Variants in CARD14 observed in about 807,000 individuals in gnomAD.
The protein encoded by CARD14 is caspase recruitment domain family member 14.
In CARD14, 107 loss-of-function variants were observed where a neutral mutation model predicts 111.5. The observed-to-expected ratio is 0.96, with a 90% confidence interval of 0.82 to 1.13. The LOEUF (loss-of-function observed/expected upper bound fraction) is 1.13, where lower values mean the gene tolerates loss of function less well. CARD14 is among the 50% of genes most tolerant of loss of function. The pLI, the probability that CARD14 is intolerant of heterozygous loss-of-function variation, is 0.00. For synonymous variants in CARD14, 617 were observed against 579.6 expected (o/e 1.06, Z -0.93); for missense variants, 1,322 against 1,362.3 (o/e 0.97, Z 0.47).
chr17:80,196,718 G>A (rs917182728), intron 14 of CARD14: 1 of 152,226 alleles, frequency 6.6e-6, no homozygotes, highest in Non-Finnish European at 1.5e-5. Flanking sequence ...GCTAGAGCTT[G>A]GGAGACCCTG....
At chr17:80,172,199 A>G (rs900685813) in intron 1 of CARD14, among the ~76,000 whole-genome samples, 3 of 152,238 alleles carry the variant, frequency 2.0e-5, no homozygotes, top group East Asian at 3.8e-4. Context: ...TCACAAGGCC[A>G]TTGGCCCCAA....
chr17:80,208,197 A>G lies in CARD14; in HGVS notation c.2867A>G (p.Glu956Gly). 2 of 1,553,882 alleles carry G rather than the reference A, an allele frequency of 1.3e-6. No homozygotes were observed. The highest frequency in any genetic ancestry group is 1.7e-6 in the Non-Finnish European group (2 of 1,148,668). ...EEQLLEAARQ[E>G]EGDLDRAPCL... is the part of the protein sequence containing the mutation. ...CAGCTCCTGGAGGCTGCGAGGCAGG[A>G]GGAGGGAGACCTGGACCGGGCGCCC... is the stretch of plus-strand genomic sequence containing the variant. The change falls in exon 24 of 24, where the codon GAG (glutamate) becomes GGG (glycine). Residue 956 changes from glutamate (E) to glycine (G), a missense_variant. Transcript: ENST00000648509.
At position 80,205,573 on chromosome 17, in the gene CARD14, G is replaced by A; in HGVS notation, c.2612G>A (p.Gly871Glu). The A allele has an allele frequency of 6.3e-7, 1 of 1,581,086 alleles. No individual in the cohort carries two copies. Among genetic ancestry groups the A allele is most frequent in the Non-Finnish European group, 8.6e-7 (1 of 1,162,918 alleles). Residue 871 changes from glycine (G) to glutamate (E), a missense_variant, in exon 22 of 24, where the codon GGG (glycine) becomes GAG (glutamate). Gly to Glu is a moderately conservative substitution (Grantham distance 98). Transcript: ENST00000648509. ...QEEYEAWSQR[G>E]DIIQEGEVSG... ...GAGTATGAGGCCTGGAGCCAGAGAG[G>A]GGACATCATCCAGGAGGGAGAGGTG... is the stretch of plus-strand genomic sequence containing the variant.
In CARD14 at chr17:80,208,306, G is replaced by A; in HGVS notation, c.2976G>A (p.Glu992=). ...GTGTCCGCCAGGCCATCGCCGACGA[G>A]CAGAAGAAGGTGGTGTGGACGGAGC... The part of the protein sequence containing the change: ...LSCVRQAIAD[E]QKKVVWTEQS... The change falls in exon 24 of 24, where the codon GAG becomes GAA. Residue 992 remains glutamate (E), a synonymous_variant. Transcript: ENST00000648509. The A allele has an allele frequency of 1.2e-6, 2 of 1,605,792 alleles. No individual in the cohort carries two copies. The highest frequency in any genetic ancestry group is 1.7e-6 in the Non-Finnish European group (2 of 1,177,268).
intron 20 of CARD14, 36 bp from the exon 21 acceptor site, chr17:80,204,999 C>T: frequency 6.6e-7 from 1 of 1,508,040 alleles, no homozygotes. Context: ...GGGGCTGCCG[C>T]AGCCTCACCC....
Position 80,189,953 on chromosome 17 carries a change from T to G in CARD14, c.963+81T>G, listed in dbSNP as rs2040467669. 6.6e-7 allele frequency: 1 copy of G among 1,509,434 alleles called. No individual in the cohort carries two copies. The highest frequency in any genetic ancestry group is 1.5e-5 in the African/African-American group (1 of 68,446). 93.5% of individuals were successfully genotyped at this position (1,509,434 alleles called of 1,614,324 possible). A position where few individuals can be genotyped will look rare whatever the true frequency, so the allele number is the denominator to read the frequency against. On this transcript the variant is annotated intron_variant, in intron 9 of 23. Transcript: ENST00000648509. The surrounding 1 kb of genome is among the most constrained non-coding windows in gnomAD (Gnocchi z 4.7). ...CGGACAGGTCTGTGGGGAAGCCAGATTCCTTCATCCACGCCGAGCTCACAT... is the reference window on the plus strand; with the variant it reads ...CGGACAGGTCTGTGGGGAAGCCAGAGTCCTTCATCCACGCCGAGCTCACAT...
In CARD14 at chr17:80,208,463, C is replaced by G. The variant is rs1279742037; in HGVS notation, c.*118C>G. On this transcript the variant is annotated 3_prime_UTR_variant, in exon 24 of 24. Coordinates refer to ENST00000648509, the MANE Select transcript of CARD14 (RefSeq NM_001366385.1). ...GGCTCCTTGGCACATGAGGCCGGCT[C>G]TCCCCACTGGCTGGGGTCTAACCTT... The G allele has an allele frequency of 2.1e-6, 2 of 953,280 alleles. No individual in the cohort carries two copies. Among genetic ancestry groups the G allele is most frequent in the Non-Finnish European group, 3.0e-6 (2 of 661,016 alleles). The allele number at this position is 953,280 out of a possible 1,614,324, so 59.1% of individuals were successfully genotyped here.
rs544674504 is a variant in CARD14 at position 80,188,134 on chromosome 17, A to T, written c.676-243A>T. The T allele has an allele frequency of 1.4e-4, 65 of 472,240 alleles. No homozygotes were observed. The East Asian group carries it at 3.4e-3, about 25-fold the overall frequency. 29.3% of individuals were successfully genotyped at this position (472,240 alleles called of 1,614,324 possible). A position where few individuals can be genotyped will look rare whatever the true frequency, so the allele number is the denominator to read the frequency against. On this transcript the variant is annotated intron_variant, in intron 7 of 23. Coordinates refer to ENST00000648509, the MANE Select transcript of CARD14 (RefSeq NM_001366385.1). This position sits in a 1 kb window ranked among gnomAD's most constrained non-coding sequence, Gnocchi z 4.5. ...TCTATTCCTGGGACCCTAACCCTGG[A>T]TGGAGTTCAACCGCGGTGCCTCATC...
At chr17:80,202,713 G>T (rs2041051815) in intron 18 of CARD14, 8 of 888,008 alleles carry the variant, frequency 9.0e-6, no homozygotes, top group Non-Finnish European at 1.1e-5. Context: ...CGTCTGTGGT[G>T]GGGCCGTCCT....
intron 7 of CARD14, among the ~76,000 whole-genome samples, chr17:80,186,413 A>C (rs2044103): frequency 4.6e-5 from 7 of 152,068 alleles, no homozygotes; most frequent in Non-Finnish European, 1.0e-4. Flanking sequence ...CGTGTCCTAA[A>C]ACGGGTCCCT....
Position 80,198,420 on chromosome 17 carries a change from G to C in CARD14, c.1680G>C (p.Arg560Ser). Residue 560 changes from arginine to serine, a missense_variant, in exon 16 of 24, where the codon AGG (arginine) becomes AGC (serine). Physicochemically the swap from Arg to Ser is moderately radical, Grantham distance 110. Transcript: ENST00000648509. This position sits in a 1 kb window ranked among gnomAD's most constrained non-coding sequence, Gnocchi z 7.5. ...VSESGVLMRR[R>S]PARRILSQVT... ...GCAGCGGCGTCCTCATGCGGCGGAG[G>C]CCAGCCCGCAGGATCCTGAGCCAGG... 6.2e-7 allele frequency: 1 copy of C among 1,606,318 alleles called. No individual in the cohort carries two copies. Among genetic ancestry groups the C allele is most frequent in the South Asian group, 1.1e-5 (1 of 90,662 alleles).
At chr17:80,200,228 CATTTTTTTTTT>C (rs1214668820) in intron 16 of CARD14, among the ~76,000 whole-genome samples, 1 of 109,544 alleles carries the variant, frequency 9.1e-6, no homozygotes, top group African/African-American at 3.3e-5. Context: ...CTTTACATGT[CATTTTTTTTTT>C]TTTTTTTTTT....
Position 80,189,843 on chromosome 17 carries a change from G to A in CARD14, c.934G>A (p.Ala312Thr). Residue 312 changes from alanine (A) to threonine (T), a missense_variant, in exon 9 of 24, where the codon GCC becomes ACC. Coordinates refer to ENST00000648509, the MANE Select transcript of CARD14 (RefSeq NM_001366385.1). The surrounding 1 kb of genome is among the most constrained non-coding windows in gnomAD (Gnocchi z 4.7). ...GCGCATCCACTCGCTGCGGGAGCGG[G>A]CCGTGGCTGCCGAGAGGCAGCGAGA... ...VERIHSLRER[A>T]VAAERQREQY... 6.3e-7 allele frequency: 1 copy of A among 1,592,204 alleles called. No homozygotes were observed. The highest frequency in any genetic ancestry group is 1.8e-5 in the Admixed American group (1 of 55,172).
At chr17:80,205,423 C>T in intron 21 of CARD14, 108 bp from the exon 22 acceptor site, 1 of 1,440,170 alleles carries the variant, frequency 6.9e-7, no homozygotes, top group Non-Finnish European at 9.4e-7. Flanking sequence ...CTAAGAAGAG[C>T]TTCTCCCAGT....
chr17:80,193,240 A>G (rs540429983), intron 12 of CARD14, among the ~76,000 whole-genome samples: 1 of 151,376 alleles, frequency 6.6e-6, no homozygotes, highest in Non-Finnish European at 1.5e-5. Flanking sequence ...GTCCCCAGAC[A>G]TGAGTTTCCA....
chr17:80,203,865 C>T lies in CARD14; in HGVS notation c.2263C>T (p.Gln755Ter), dbSNP rs2041125003. ...AGCCCTCATCCAGGACATGACTCAGCAGTGCACCGTGACCCGCAAGGTGAG... is the reference window on the plus strand; with the variant it reads ...AGCCCTCATCCAGGACATGACTCAGTAGTGCACCGTGACCCGCAAGGTGAG... ...LIALIQDMTQ[Q>*]CTVTRKPSSG... Residue 755 changes from glutamine to a stop codon, truncating the protein, a stop_gained, in exon 19 of 24, where the codon CAG (glutamine) becomes TAG (stop). Transcript: ENST00000648509. LOFTEE classifies it high-confidence loss of function. The surrounding 1 kb of genome is among the most constrained non-coding windows in gnomAD (Gnocchi z 4.6). 1.3e-6 allele frequency: 2 copies of T among 1,596,868 alleles called. No homozygotes were observed. The highest frequency in any genetic ancestry group is 2.3e-5 in the East Asian group (1 of 44,380).
In CARD14 at chr17:80,207,272, C is replaced by A. The variant is rs182802277; in HGVS notation, c.2807+187C>A. Among the ~76,000 whole-genome samples, 83 of 152,284 alleles carry A rather than the reference C, an allele frequency of 5.5e-4. 1 individual carries two copies. Among genetic ancestry groups the A allele is most frequent in the South Asian group, 1.2e-3 (6 of 4,828 alleles). On this transcript the variant is annotated intron_variant, in intron 23 of 23. Coordinates refer to ENST00000648509, the MANE Select transcript of CARD14 (RefSeq NM_001366385.1). ...CTCATGAGATTCCCCTGATTTTGGC[C>A]GGGCGTGGTGGCTCACGCCTGTAAT...
At position 80,191,423 on chromosome 17, in the gene CARD14, G is replaced by A. The variant is rs965651297; in HGVS notation, c.1190G>A (p.Cys397Tyr). The change falls in exon 11 of 24, where the codon TGC becomes TAC. Residue 397 changes from cysteine (C) to tyrosine (Y), a missense_variant. By Grantham distance (194) the Cys-to-Tyr change is radical. Transcript: ENST00000648509. ...GTGTTCGAGCTGACGGACCAGGTCT[G>A]CGAGCTGCGCACACAGCTTCGCCAG... ...RQVFELTDQV[C>Y]ELRTQLRQLQ... 3 of 1,613,630 alleles carry A rather than the reference G, an allele frequency of 1.9e-6. No individual in the cohort carries two copies. The African/African-American group carries it at 4.0e-5, about 22-fold the overall frequency.
chr17:80,183,488 G>A lies in CARD14; in HGVS notation c.350-425G>A, dbSNP rs534511810. 9.8e-5 allele frequency among the ~76,000 whole-genome samples: 15 copies of A among 152,288 alleles called. No homozygotes were observed. The South Asian group carries it at 2.3e-3, about 23-fold the overall frequency. Reference sequence around the variant, plus strand: ...TAGCACTGAGTGCATTTCAGCTACCGAGGAGGGTCATTAAGTCTGAACAGT... The same window carrying A: ...TAGCACTGAGTGCATTTCAGCTACCAAGGAGGGTCATTAAGTCTGAACAGT... On this transcript the variant is annotated intron_variant, in intron 6 of 23. Coordinates refer to ENST00000648509, the MANE Select transcript of CARD14 (RefSeq NM_001366385.1).
Sources: allele counts gnomAD v4.1 joint callset (sites outside exome capture counted in the v4.1 genomes callset), GRCh38; gene constraint gnomAD v4.1.1; non-coding constraint Gnocchi (gnomAD v3.1); transcripts MANE v1.5; gene names NCBI Gene and HGNC (gene_info 2026-07-23, HGNC 2026-07-21).